The following TLCD4 variants were observed in gnomAD, a reference collection of about 807,000 sequenced individuals.
TLCD4 encodes the protein TLC domain-containing protein 4.
TLCD4 carries 7 observed loss-of-function variants against 24.2 expected under a neutral mutation model. The ratio of observed to expected loss-of-function variants is 0.29; its 90% CI spans 0.16 to 0.54. The LOEUF (loss-of-function observed/expected upper bound fraction) is 0.54. Among genes scored for constraint, TLCD4 ranks in the 20% least tolerant of loss-of-function variants. The probability of loss-of-function intolerance (pLI) is 0.95; values close to 1 mark genes in which losing one functional copy is unlikely to be tolerated. For synonymous variants in TLCD4, 103 were observed against 106.4 expected (o/e 0.97, Z 0.20); for missense variants, 259 against 313.9 (o/e 0.82, Z 1.32).
chr1:95,191,913 T>C lies in TLCD4; in HGVS notation c.*45T>C, dbSNP rs757420134. The C allele has an allele frequency of 3.2e-6, 5 of 1,569,970 alleles. No individual in the cohort carries two copies. In the Admixed American group the frequency reaches 9.2e-5, roughly 29 times the overall value. ...AAACTTCATTACTACCCAGCATATC[T>C]GCTGATAGGATGAATTCTTGGCATG... On this transcript the variant is annotated 3_prime_UTR_variant, in exon 7 of 7. Transcript: ENST00000370203.
At position 95,148,690 on chromosome 1, in the gene TLCD4, G is replaced by A; in HGVS notation, c.156-12G>A. 6.2e-7 allele frequency: 1 copy of A among 1,611,842 alleles called. No individual in the cohort carries two copies. The highest frequency in any genetic ancestry group is 8.5e-7 in the Non-Finnish European group (1 of 1,179,258). ...AATCTAAAATCTTTGTGTGTATTTT[G>A]TTTAATTTCAGGGTAGTATCCACAT... On this transcript the variant is annotated splice_polypyrimidine_tract_variant and intron_variant, in intron 2 of 6. Coordinates refer to ENST00000370203, the MANE Select transcript of TLCD4 (RefSeq NM_152487.3).
intron 1 of TLCD4, among the ~76,000 whole-genome samples, chr1:95,132,689 A>C (rs1676929990): frequency 6.6e-6 from 1 of 152,088 alleles, no homozygotes; most frequent in Admixed American, 6.6e-5. Context: ...GAATATTTAA[A>C]CTTTAGATTT....
At chr1:95,161,952 T>A (rs1031598705) in intron 5 of TLCD4, among the ~76,000 whole-genome samples, 4 of 152,210 alleles carry the variant, frequency 2.6e-5, no homozygotes, top group African/African-American at 9.6e-5. Flanking sequence ...TAGTGCGATG[T>A]GGTGCTGAGA....
At chr1:95,105,157 T>C in the TLCD4 span, among the ~76,000 whole-genome samples, 1 of 152,178 alleles carries the variant, frequency 6.6e-6, no homozygotes, top group Admixed American at 6.5e-5. Flanking sequence ...TTGTACCACA[T>C]ATCACCAGCC....
rs1353928580 is a variant in TLCD4 at position 95,193,052 on chromosome 1, T to G, written c.*1184T>G. 1.3e-5 allele frequency: 2 copies of G among 152,176 alleles called. No individual in the cohort carries two copies. The highest frequency in any genetic ancestry group is 2.9e-5 in the Non-Finnish European group (2 of 68,000). 9.4% of individuals were successfully genotyped at this position (152,176 alleles called of 1,614,324 possible). A position where few individuals can be genotyped will look rare whatever the true frequency, so the allele number is the denominator to read the frequency against. ...TGTTTGCAAAATCTTCCCTGAGTTC[T>G]GAACCCAGCACCATCAGTACCAAAG... is the stretch of plus-strand genomic sequence containing the variant. On this transcript the variant is annotated 3_prime_UTR_variant, in exon 7 of 7. Transcript: ENST00000370203.
rs190892081 is a variant in TLCD4 at position 95,159,286 on chromosome 1, G to T, written c.399+7867G>T. Among the ~76,000 whole-genome samples the T allele has an allele frequency of 4.3e-3, 662 of 152,282 alleles. 6 individuals are homozygous for T. The highest frequency in any genetic ancestry group is 0.015 in the African/African-American group (611 of 41,550). On this transcript the variant is annotated intron_variant, in intron 5 of 6. Transcript: ENST00000370203. ...ATGATGAGCATTTTTTCACGTGTCT[G>T]TTGGCTGCATAGATGTCTTCTTTTG...
At position 95,197,587 on chromosome 1, in the gene TLCD4, T is replaced by C. The variant is rs1314631436; in HGVS notation, c.*5719T>C. On this transcript the variant is annotated 3_prime_UTR_variant, in exon 7 of 7. Transcript: ENST00000370203. ...TATTTTGTGGAAAAAAACAATAAAA[T>C]CACAATTATTTAGTGCAAAAGTTTG... The C allele has an allele frequency of 6.6e-6, 1 of 152,126 alleles. No individual in the cohort carries two copies. The highest frequency in any genetic ancestry group is 1.5e-5 in the Non-Finnish European group (1 of 68,018). 9.4% of individuals were successfully genotyped at this position (152,126 alleles called of 1,614,324 possible).
chr1:95,168,126 C>A (rs1678084412), intron 5 of TLCD4, among the ~76,000 whole-genome samples: 1 of 152,154 alleles, frequency 6.6e-6, no homozygotes, highest in Non-Finnish European at 1.5e-5. Context: ...TAATGGCAGC[C>A]ATATAGTCCT....
At chr1:95,155,002 T>C (rs1677592888) in intron 5 of TLCD4, among the ~76,000 whole-genome samples, 1 of 151,506 alleles carries the variant, frequency 6.6e-6, no homozygotes, top group Non-Finnish European at 1.5e-5. Flanking sequence ...CAACATATAG[T>C]CGTAGTGTAG....
intron 5 of TLCD4, among the ~76,000 whole-genome samples, chr1:95,160,890 T>C (rs374868530): frequency 1.3e-5 from 2 of 152,240 alleles, no homozygotes; most frequent in South Asian, 2.1e-4. Context: ...GATGTGCTGC[T>C]GGATTTGGTT....
rs1679043628 is a variant in TLCD4, at chr1:95,191,982, A to G, written c.*114A>G. On this transcript the variant is annotated 3_prime_UTR_variant, in exon 7 of 7. Coordinates refer to ENST00000370203, the MANE Select transcript of TLCD4 (RefSeq NM_152487.3). ...AATTATAATTGTTATTCAGGATTTC[A>G]GTGTCATTTTTTTTAAACCTTAGAA... 2 of 1,456,866 alleles carry G rather than the reference A, an allele frequency of 1.4e-6. No homozygotes were observed. Among genetic ancestry groups the G allele is most frequent in the South Asian group, 1.5e-5 (1 of 67,894 alleles). The allele number at this position is 1,456,866 out of a possible 1,614,324, so 90.2% of individuals were successfully genotyped here. A position where few individuals can be genotyped will look rare whatever the true frequency, so the allele number is the denominator to read the frequency against.
chr1:95,128,630 ATCTTGGTGTAGGGAC>A (rs1676806098), intron 1 of TLCD4, among the ~76,000 whole-genome samples: 1 of 152,184 alleles, frequency 6.6e-6, no homozygotes, highest in African/African-American at 2.4e-5. Flanking sequence ...GTGTCAGAAT[ATCTTGGTGTAGGGAC>A]TCTCGGTTGT....
At chr1:95,145,582 T>TA (rs1006975130) in intron 2 of TLCD4, among the ~76,000 whole-genome samples, 1 of 152,204 alleles carries the variant, frequency 6.6e-6, no homozygotes, top group African/African-American at 2.4e-5. Flanking sequence ...ACCATTACTT[T>TA]AAAAAATCTT....
At chr1:95,157,399 A>G (rs998323632) in intron 5 of TLCD4, among the ~76,000 whole-genome samples, 1 of 152,206 alleles carries the variant, frequency 6.6e-6, no homozygotes. Context: ...TTGGGTCAGA[A>G]AGCAAGGAAC....
intron 3 of TLCD4, 86 bp downstream of exon 3, chr1:95,148,877 G>A: frequency 6.6e-7 from 1 of 1,519,200 alleles, no homozygotes; most frequent in Non-Finnish European, 8.9e-7. Flanking sequence ...CTTTAAAACA[G>A]AAAACATATT....
intron 1 of TLCD4, among the ~76,000 whole-genome samples, chr1:95,126,767 G>C (rs929263661): frequency 3.2e-4 from 48 of 152,156 alleles, no homozygotes; most frequent in African/African-American, 1.1e-3. Context: ...ACAGGCTCCT[G>C]ACATGATGGT....
chr1:95,138,215 A>T (rs1677101590), intron 1 of TLCD4: 1 of 152,146 alleles, frequency 6.6e-6, no homozygotes. Context: ...TTGTGTGGTG[A>T]GGATCAATTT....
At chr1:95,138,744 T>C (rs1473310191) in intron 1 of TLCD4, among the ~76,000 whole-genome samples, 3 of 152,154 alleles carry the variant, frequency 2.0e-5, no homozygotes, top group Non-Finnish European at 4.4e-5. Context: ...TGTAGACAGA[T>C]GCTACACAAT....
rs1259511011 is a variant in TLCD4 at position 95,184,797 on chromosome 1, A to T, written c.474-6753A>T. 9.2e-5 allele frequency among the ~76,000 whole-genome samples: 14 copies of T among 152,316 alleles called. No individual in the cohort carries two copies. In the East Asian group the frequency reaches 2.7e-3, roughly 29 times the overall value. Reference sequence around the variant, plus strand: ...AGTCTTTATTTGCTAGAATGAAAGAATGTTCTAATTAGGTAAGAAGAGGTG... The same window carrying T: ...AGTCTTTATTTGCTAGAATGAAAGATTGTTCTAATTAGGTAAGAAGAGGTG... On this transcript the variant is annotated intron_variant, in intron 6 of 6. Transcript: ENST00000370203.
Sources: gnomAD v4.1 joint callset for allele counts (sites outside exome capture counted in the v4.1 genomes callset) on GRCh38, gnomAD v4.1.1 for gene constraint, MANE v1.5 for transcripts, NCBI Gene and HGNC (gene_info 2026-07-23, HGNC 2026-07-21) for gene names.